Variants in LRRC14 observed in about 807,000 individuals in gnomAD.
The protein encoded by LRRC14 is leucine rich repeat containing 14, also known as leucine-rich repeat-containing protein 14.
In LRRC14, 16 loss-of-function variants were observed where a neutral mutation model predicts 25.3. The ratio of observed to expected loss-of-function variants is 0.63; its 90% CI spans 0.43 to 0.96. The LOEUF (loss-of-function observed/expected upper bound fraction) is 0.96, where lower values mean the gene tolerates loss of function less well. Ranked by LOEUF, LRRC14 falls within the 40% of genes least tolerant of loss-of-function variation. The pLI is 0.00. For synonymous variants in LRRC14, 359 were observed against 295.1 expected (o/e 1.22, Z -2.22); for missense variants, 594 against 660.5 (o/e 0.90, Z 1.10).
In LRRC14 at chr8:144,522,531, C is replaced by T. The variant is rs747941959; in HGVS notation, c.*1053C>T. 1.9e-5 allele frequency: 29 copies of T among 1,521,366 alleles called. No individual in the cohort carries two copies. Among genetic ancestry groups the T allele is most frequent in the African/African-American group, 4.3e-5 (3 of 69,914 alleles). 94.2% of individuals were successfully genotyped at this position (1,521,366 alleles called of 1,614,324 possible). A position where few individuals can be genotyped will look rare whatever the true frequency, so the allele number is the denominator to read the frequency against. On this transcript the variant is annotated 3_prime_UTR_variant, in exon 4 of 4. Coordinates refer to ENST00000292524, the MANE Select transcript of LRRC14 (RefSeq NM_014665.4). The stretch of plus-strand genomic sequence containing the variant: ...GGCACGCGGAGTCCCGGCCCCGCCC[C>T]CTGTTCCGGGCCGCAGTCAGCGGGC...
chr8:144,524,625 C>G lies in LRRC14; in HGVS notation c.*3147C>G, dbSNP rs777042990. 4 of 1,523,136 alleles carry G rather than the reference C, an allele frequency of 2.6e-6. No homozygotes were observed. The highest frequency in any genetic ancestry group is 2.8e-5 in the African/African-American group (2 of 71,398). 94.4% of individuals were successfully genotyped at this position (1,523,136 alleles called of 1,614,324 possible). A position where few individuals can be genotyped will look rare whatever the true frequency, so the allele number is the denominator to read the frequency against. ...GGCGCCGGCCTCCAGGGCGCGCAGGCTGTTGTTGTGCAGGTAGAGCCGGCG... is the reference window on the plus strand; with the variant it reads ...GGCGCCGGCCTCCAGGGCGCGCAGGGTGTTGTTGTGCAGGTAGAGCCGGCG... On this transcript the variant is annotated 3_prime_UTR_variant, in exon 4 of 4. Transcript: ENST00000292524.
At position 144,520,453 on chromosome 8, in the gene LRRC14, G is replaced by A. The variant is rs773767269; in HGVS notation, c.545G>A (p.Arg182Gln). The A allele has an allele frequency of 8.1e-6, 13 of 1,597,696 alleles. No homozygotes were observed. Among genetic ancestry groups the A allele is most frequent in the Middle Eastern group, 1.6e-4 (1 of 6,062 alleles). ...RVNRASYAFL[R>Q]EALRSSVGSP... is the part of the protein sequence containing the mutation. Reference sequence around the variant, plus strand: ...AACCGGGCCTCCTATGCGTTCCTGCGGGAGGCACTCCGAAGCAGCGTGGGC... The same window carrying A: ...AACCGGGCCTCCTATGCGTTCCTGCAGGAGGCACTCCGAAGCAGCGTGGGC... The change falls in exon 3 of 4, where the codon CGG becomes CAG. Residue 182 changes from arginine to glutamine, a missense_variant. Transcript: ENST00000292524.
chr8:144,523,632 A>C lies in LRRC14; in HGVS notation c.*2154A>C. 1.8e-6 allele frequency: 1 copy of C among 559,974 alleles called. No homozygotes were observed. Among genetic ancestry groups the C allele is most frequent in the Non-Finnish European group, 2.8e-6 (1 of 354,950 alleles). The allele number at this position is 559,974 out of a possible 1,614,324, so 34.7% of individuals were successfully genotyped here. ...TTTAGCTCTGTGATGCCTGCCTGTTACAGATCACTTCTCCGTCGGTCTCTG... is the reference window on the plus strand; with the variant it reads ...TTTAGCTCTGTGATGCCTGCCTGTTCCAGATCACTTCTCCGTCGGTCTCTG... On this transcript the variant is annotated 3_prime_UTR_variant, in exon 4 of 4. Transcript: ENST00000292524.
chr8:144,521,295 C>G lies in LRRC14; in HGVS notation c.1299C>G (p.Asp433Glu). The change falls in exon 4 of 4, where the codon GAC becomes GAG. Residue 433 changes from aspartate (D) to glutamate (E), a missense_variant. Asp to Glu is a conservative substitution (Grantham distance 45). Coordinates refer to ENST00000292524, the MANE Select transcript of LRRC14 (RefSeq NM_014665.4). ...LRTVVHPFPV[D>E]CYEGLPWPPP... is the part of the protein sequence containing the mutation. The stretch of plus-strand genomic sequence containing the variant: ...CTGTGGTGCACCCCTTCCCTGTGGA[C>G]TGCTATGAGGGCTTGCCCTGGCCGC... 1 of 1,613,082 alleles carries G rather than the reference C, an allele frequency of 6.2e-7. No individual in the cohort carries two copies. The highest frequency in any genetic ancestry group is 8.5e-7 in the Non-Finnish European group (1 of 1,180,010).
Position 144,522,561 on chromosome 8 carries a change from C to G in LRRC14, c.*1083C>G. The G allele has an allele frequency of 1.9e-6, 3 of 1,546,340 alleles. No homozygotes were observed. The highest frequency in any genetic ancestry group is 2.6e-6 in the Non-Finnish European group (3 of 1,148,670). On this transcript the variant is annotated 3_prime_UTR_variant, in exon 4 of 4. Coordinates refer to ENST00000292524, the MANE Select transcript of LRRC14 (RefSeq NM_014665.4). The stretch of plus-strand genomic sequence containing the variant: ...TCCGGGCCGCAGTCAGCGGGCGCCT[C>G]CGCCGGACCCTCGGCGAAGAGCGGC...
intron 1 of LRRC14, 176 bp from the exon 2 acceptor site, chr8:144,519,439 T>G: frequency 3.8e-6 from 2 of 521,634 alleles, no homozygotes; most frequent in Non-Finnish European, 6.9e-6. Context: ...GCAAGCGAGT[T>G]GTTGACGATG....
At position 144,522,636 on chromosome 8, in the gene LRRC14, C is replaced by T. The variant is rs267601828; in HGVS notation, c.*1158C>T. The T allele has an allele frequency of 4.1e-5, 65 of 1,583,414 alleles. No individual in the cohort carries two copies. The South Asian group carries it at 6.6e-4, about 16-fold the overall frequency. The stretch of plus-strand genomic sequence containing the variant: ...TCGTGGCCGCGCTCGTCGCGGAGCT[C>T]CTCTAGCTGTGCGAACGTACAGGGG... On this transcript the variant is annotated 3_prime_UTR_variant, in exon 4 of 4. Transcript: ENST00000292524.
chr8:144,522,322 T>C lies in LRRC14; in HGVS notation c.*844T>C, dbSNP rs964413800. 8.3e-7 allele frequency: 1 copy of C among 1,199,304 alleles called. No homozygotes were observed. Among genetic ancestry groups the C allele is most frequent in the Non-Finnish European group, 1.1e-6 (1 of 925,106 alleles). The allele number at this position is 1,199,304 out of a possible 1,614,324, so 74.3% of individuals were successfully genotyped here. On this transcript the variant is annotated 3_prime_UTR_variant, in exon 4 of 4. Coordinates refer to ENST00000292524, the MANE Select transcript of LRRC14 (RefSeq NM_014665.4). ...TTGGGGCCTCCCCGGCCACCTTCCA[T>C]TGCTACCCCAGGATTCCCGAGTGCA... is the stretch of plus-strand genomic sequence containing the variant.
chr8:144,522,805 C>A lies in LRRC14; in HGVS notation c.*1327C>A. 1 of 1,534,932 alleles carries A rather than the reference C, an allele frequency of 6.5e-7. No individual in the cohort carries two copies. Among genetic ancestry groups the A allele is most frequent in the Non-Finnish European group, 8.7e-7 (1 of 1,145,644 alleles). On this transcript the variant is annotated 3_prime_UTR_variant, in exon 4 of 4. Coordinates refer to ENST00000292524, the MANE Select transcript of LRRC14 (RefSeq NM_014665.4). ...GCGCGATGGCCGCCGCAATGGCCGT[C>A]TGTGTGGCCACGCCCAGGGCGCGGA... is the stretch of plus-strand genomic sequence containing the variant.
At position 144,522,511 on chromosome 8, in the gene LRRC14, GC is replaced by G; in HGVS notation, c.*1034del. On this transcript the variant is annotated 3_prime_UTR_variant, in exon 4 of 4. Transcript: ENST00000292524. ...TCTCGTAGGCGACCGGCGGGGGCAC[GC>G]GGAGTCCCGGCCCCGCCCCCTGTTC... 6.7e-7 allele frequency: 1 copy of G among 1,497,438 alleles called. No homozygotes were observed. The allele number at this position is 1,497,438 out of a possible 1,614,324, so 92.8% of individuals were successfully genotyped here. A position where few individuals can be genotyped will look rare whatever the true frequency, so the allele number is the denominator to read the frequency against.
At position 144,519,706 on chromosome 8, in the gene LRRC14, C is replaced by T. The variant is rs748856984; in HGVS notation, c.-20C>T. 16 of 1,585,210 alleles carry T rather than the reference C, an allele frequency of 1.0e-5. No individual in the cohort carries two copies. Among genetic ancestry groups the T allele is most frequent in the South Asian group, 6.7e-5 (6 of 88,968 alleles). On this transcript the variant is annotated 5_prime_UTR_variant, in exon 2 of 4. Coordinates refer to ENST00000292524, the MANE Select transcript of LRRC14 (RefSeq NM_014665.4). ...CTGAAGTCCCTCTCCTGCAGGTGGC[C>T]GTCTGCCCGGCCCAGCACCATGCAC... is the stretch of plus-strand genomic sequence containing the variant.
chr8:144,524,756 G>C lies in LRRC14; in HGVS notation c.*3278G>C. ...GGAAAGAGGAGGCGCTTACCCCGTT[G>C]CGGGGGTCTTCCTCTCCCTGGGGGC... On this transcript the variant is annotated 3_prime_UTR_variant, in exon 4 of 4. Transcript: ENST00000292524. 7.0e-7 allele frequency: 1 copy of C among 1,434,422 alleles called. No homozygotes were observed. Among genetic ancestry groups the C allele is most frequent in the South Asian group, 1.4e-5 (1 of 69,116 alleles). The allele number at this position is 1,434,422 out of a possible 1,614,324, so 88.9% of individuals were successfully genotyped here.
Position 144,520,829 on chromosome 8 carries a change from G to A in LRRC14, c.914+7G>A, listed in dbSNP as rs369837934. On this transcript the variant is annotated splice_region_variant and intron_variant, in intron 3 of 3. Coordinates refer to ENST00000292524, the MANE Select transcript of LRRC14 (RefSeq NM_014665.4). ...GGCTGGACCAGCTGCTCAGGTGAGC[G>A]GGCCCCACCACTGCCCTGCCCCTCC... 192 of 1,594,672 alleles carry A rather than the reference G, an allele frequency of 1.2e-4. 2 individuals carry two copies. The highest frequency in any genetic ancestry group is 5.0e-4 in the Admixed American group (30 of 59,822).
chr8:144,519,337 A>T (rs1032456503), intron 1 of LRRC14: 23 of 299,210 alleles, frequency 7.7e-5, no homozygotes, highest in Non-Finnish European at 1.4e-4. Context: ...GTTTCGAAGA[A>T]GGTTTTGTGA....
rs770942224 is a variant in LRRC14 at position 144,523,128 on chromosome 8, G to C, written c.*1650G>C. 7 of 1,610,174 alleles carry C rather than the reference G, an allele frequency of 4.3e-6. No individual in the cohort carries two copies. The highest frequency in any genetic ancestry group is 1.6e-4 in the Middle Eastern group (1 of 6,080). ...CGCGGCCGGCCCTCGCGAGGCTGGGGCACCTTTCTCCAGGTCACCAATGGC... is the reference window on the plus strand; with the variant it reads ...CGCGGCCGGCCCTCGCGAGGCTGGGCCACCTTTCTCCAGGTCACCAATGGC... On this transcript the variant is annotated 3_prime_UTR_variant, in exon 4 of 4. Transcript: ENST00000292524.
At position 144,522,724 on chromosome 8, in the gene LRRC14, C is replaced by G. The variant is rs761545255; in HGVS notation, c.*1246C>G. ...CCGGAGGCCCCCGCGCCTTTTTTCG[C>G]CTGCGGCGCCGGCGACAGATCATGG... On this transcript the variant is annotated 3_prime_UTR_variant, in exon 4 of 4. Transcript: ENST00000292524. 6.3e-7 allele frequency: 1 copy of G among 1,593,754 alleles called. No individual in the cohort carries two copies. Among genetic ancestry groups the G allele is most frequent in the Non-Finnish European group, 8.5e-7 (1 of 1,171,506 alleles).
In LRRC14 at chr8:144,524,559, C is replaced by T; in HGVS notation, c.*3081C>T. 6.4e-7 allele frequency: 1 copy of T among 1,570,664 alleles called. No individual in the cohort carries two copies. Among genetic ancestry groups the T allele is most frequent in the Non-Finnish European group, 8.6e-7 (1 of 1,166,694 alleles). On this transcript the variant is annotated 3_prime_UTR_variant, in exon 4 of 4. Coordinates refer to ENST00000292524, the MANE Select transcript of LRRC14 (RefSeq NM_014665.4). Reference sequence around the variant, plus strand: ...GCTGCGCAAGCCGCGCAGCCGGTTGCTAGTGAGCGCCAGCTCCAGCAGGCG... The same window carrying T: ...GCTGCGCAAGCCGCGCAGCCGGTTGTTAGTGAGCGCCAGCTCCAGCAGGCG...
chr8:144,522,300 G>A lies in LRRC14; in HGVS notation c.*822G>A, dbSNP rs922523094. 8 of 948,208 alleles carry A rather than the reference G, an allele frequency of 8.4e-6. No individual in the cohort carries two copies. The highest frequency in any genetic ancestry group is 1.1e-5 in the Non-Finnish European group (8 of 696,488). 58.7% of individuals were successfully genotyped at this position (948,208 alleles called of 1,614,324 possible). On this transcript the variant is annotated 3_prime_UTR_variant, in exon 4 of 4. Transcript: ENST00000292524. Reference sequence around the variant, plus strand: ...CGGAAGAGCTTCAAGGGAGGTGTTGGGGCCTCCCCGGCCACCTTCCATTGC... The same window carrying A: ...CGGAAGAGCTTCAAGGGAGGTGTTGAGGCCTCCCCGGCCACCTTCCATTGC...
rs1044788101 is a variant in LRRC14, at chr8:144,522,856, G to T, written c.*1378G>T. On this transcript the variant is annotated 3_prime_UTR_variant, in exon 4 of 4. Transcript: ENST00000292524. Reference sequence around the variant, plus strand: ...AGGCCATGCTGCCCGCCTCGGGCCGGGGCTCGCTGCCGGCGGGGCGGGCGG... The same window carrying T: ...AGGCCATGCTGCCCGCCTCGGGCCGTGGCTCGCTGCCGGCGGGGCGGGCGG... 1 of 1,279,344 alleles carries T rather than the reference G, an allele frequency of 7.8e-7. No individual in the cohort carries two copies. Among genetic ancestry groups the T allele is most frequent in the African/African-American group, 1.6e-5 (1 of 64,394 alleles). 79.2% of individuals were successfully genotyped at this position (1,279,344 alleles called of 1,614,324 possible).
Sources: allele counts gnomAD v4.1 joint callset, GRCh38; gene constraint gnomAD v4.1.1; transcripts MANE v1.5; gene names NCBI Gene and HGNC (gene_info 2026-07-23, HGNC 2026-07-21).